Variants in H1-8 observed in about 807,000 individuals in gnomAD.
The protein encoded by H1-8 is histone H1.8.
A neutral mutation model predicts 19.5 loss-of-function variants in H1-8; 13 were observed. The observed-to-expected ratio is 0.67, with a 90% CI of 0.43 to 1.06. The LOEUF is 1.06. Among genes scored for constraint, H1-8 ranks in the 50% least tolerant of loss-of-function variants. The probability of loss-of-function intolerance (pLI) is 0.00; values close to 1 mark genes in which losing one functional copy is unlikely to be tolerated. For missense variants in H1-8, 432 were observed against 459.8 expected (o/e 0.94, Z 0.55); for synonymous variants, 193 against 187.6 (o/e 1.03, Z -0.24).
chr3:129,550,874 C>G, intron 4 of H1-8, 65 bp downstream of exon 4: 8 of 1,405,098 alleles, frequency 5.7e-6, no homozygotes, highest in Non-Finnish European at 7.0e-6. Context: ...CTTGGGCATC[C>G]CACACTCAGC....
chr3:129,547,208 A>G (rs1245231424), intron 1 of H1-8, among the ~76,000 whole-genome samples, 183 bp from the exon 2 acceptor site: 1 of 152,170 alleles, frequency 6.6e-6, no homozygotes, highest in Admixed American at 6.5e-5. Context: ...AGAAAAAAAG[A>G]GAGAGAGACT....
chr3:129,550,707 C>T, intron 3 of H1-8, 38 bp from the exon 4 acceptor site: 1 of 1,587,932 alleles, frequency 6.3e-7, no homozygotes, highest in Non-Finnish European at 8.6e-7. Context: ...AGCAGTTCCT[C>T]CTTCTTCCCC....
intron 3 of H1-8, 126 bp downstream of exon 3, chr3:129,549,490 T>A: frequency 8.7e-7 from 1 of 1,144,480 alleles, no homozygotes; most frequent in Non-Finnish European, 1.2e-6. Flanking sequence ...GTGCTGGGCT[T>A]GACCTGGAGA....
At chr3:129,546,686 G>A (rs993385988) in intron 1 of H1-8, among the ~76,000 whole-genome samples, 1 of 152,130 alleles carries the variant, frequency 6.6e-6, no homozygotes, top group Non-Finnish European at 1.5e-5. Context: ...ATGAGCATTT[G>A]GTTGAGAGGT....
chr3:129,550,660 T>G, intron 3 of H1-8, 85 bp from the exon 4 acceptor site: 1 of 1,091,898 alleles, frequency 9.2e-7, no homozygotes, highest in Non-Finnish European at 1.4e-6. Context: ...CCAGGAGGAA[T>G]GGGGGTTCTA....
rs549858872 is a variant in H1-8 at position 129,549,942 on chromosome 3, ACACT to A, written c.742+581_742+584del. Among the ~76,000 whole-genome samples, 226 of 152,148 alleles carry A rather than the reference ACACT, an allele frequency of 1.5e-3. 1 individual carries two copies. The highest frequency in any genetic ancestry group is 5.2e-3 in the African/African-American group (216 of 41,502). On this transcript the variant is annotated intron_variant, in intron 3 of 4. Coordinates refer to ENST00000324382, the MANE Select transcript of H1-8 (RefSeq NM_153833.3). Reference sequence around the variant, plus strand: ...GTACTCCAGCGTGGGTGACAGAGTGACACTCAGTCTCAAAACAAAACACAAAAAG... The same window carrying A: ...GTACTCCAGCGTGGGTGACAGAGTGACAGTCTCAAAACAAAACACAAAAAG...
At chr3:129,547,741 G>A in intron 2 of H1-8, 61 bp downstream of exon 2, 1 of 1,413,860 alleles carries the variant, frequency 7.1e-7, no homozygotes, top group Non-Finnish European at 9.3e-7. Flanking sequence ...GCCTCTGTGA[G>A]TGCTGCGGCC....
At chr3:129,545,889 T>C (rs143487125) in intron 1 of H1-8, among the ~76,000 whole-genome samples, 14 of 152,326 alleles carry the variant, frequency 9.2e-5, no homozygotes, top group African/African-American at 3.4e-4. Context: ...AGTGCTGCTA[T>C]GAACATTCAT....
chr3:129,548,219 T>A, intron 2 of H1-8: 1 of 526,790 alleles, frequency 1.9e-6, no homozygotes, highest in Non-Finnish European at 2.4e-6. Context: ...CTGGGTCCCC[T>A]GCATCTTGCC....
intron 4 of H1-8, 118 bp from the exon 5 acceptor site, chr3:129,550,989 C>A: frequency 9.8e-7 from 1 of 1,021,336 alleles, no homozygotes; most frequent in Non-Finnish European, 1.5e-6. Flanking sequence ...TTGCCATCCC[C>A]ATCTTACAGA....
At chr3:129,548,802 T>C (rs1015240488) in intron 2 of H1-8, among the ~76,000 whole-genome samples, 199 bp from the exon 3 acceptor site, 4 of 151,730 alleles carry the variant, frequency 2.6e-5, no homozygotes, top group Non-Finnish European at 5.9e-5. Flanking sequence ...CTAGGGCAGG[T>C]GGTTGAGAGA....
At chr3:129,549,875 A>C (rs2084921218) in intron 3 of H1-8, among the ~76,000 whole-genome samples, 1 of 151,650 alleles carries the variant, frequency 6.6e-6, no homozygotes, top group Non-Finnish European at 1.5e-5. Context: ...AATCACTTGA[A>C]CCCAGGAGGC....
In H1-8 at chr3:129,551,406, G is replaced by A. The variant is rs941513385; in HGVS notation, c.*66G>A. ...AGTTTTTATTCTTCAACTAACCACT[G>A]CTCTATTTATTTCATTGTAAGCTAT... On this transcript the variant is annotated 3_prime_UTR_variant, in exon 5 of 5. Transcript: ENST00000324382. The A allele has an allele frequency of 1.4e-4, 132 of 938,770 alleles. No individual in the cohort carries two copies. Among genetic ancestry groups the A allele is most frequent in the Non-Finnish European group, 1.9e-4 (117 of 614,680 alleles). 58.2% of individuals were successfully genotyped at this position (938,770 alleles called of 1,614,324 possible). A position where few individuals can be genotyped will look rare whatever the true frequency, so the allele number is the denominator to read the frequency against.
chr3:129,543,415 TACCCAGCACCC>T, intron 1 of H1-8, 109 bp downstream of exon 1: 1 of 735,292 alleles, frequency 1.4e-6, no homozygotes, highest in Non-Finnish European at 2.3e-6. Context: ...CCCCAGCACC[TACCCAGCACCC>T]ACCCAGCACT....
chr3:129,549,377 C>T lies in H1-8; in HGVS notation c.742+13C>T. The T allele has an allele frequency of 3.9e-6, 6 of 1,538,612 alleles. No homozygotes were observed. Among genetic ancestry groups the T allele is most frequent in the Non-Finnish European group, 5.2e-6 (6 of 1,144,868 alleles). On this transcript the variant is annotated intron_variant, in intron 3 of 4. Transcript: ENST00000324382. ...AGGAGCAGCCAAGGTAGTTGTGTGA[C>T]TTGTAGGGGGTGGTGTGGGGATGGG... is the stretch of plus-strand genomic sequence containing the variant.
chr3:129,548,465 T>G (rs1336151088), intron 2 of H1-8: 4 of 986,878 alleles, frequency 4.1e-6, no homozygotes, highest in Non-Finnish European at 3.6e-6. Context: ...TGCTGGCAGT[T>G]GAGGGGTGAA....
At chr3:129,550,150 A>G (rs2084923054) in intron 3 of H1-8, among the ~76,000 whole-genome samples, 1 of 152,146 alleles carries the variant, frequency 6.6e-6, no homozygotes, top group South Asian at 2.1e-4. Flanking sequence ...TCTCTCTTTT[A>G]GAGACAGGCT....
At chr3:129,546,977 G>C (rs2084893413) in intron 1 of H1-8, among the ~76,000 whole-genome samples, 1 of 152,102 alleles carries the variant, frequency 6.6e-6, no homozygotes, top group Non-Finnish European at 1.5e-5. Context: ...AGGCGGGTGG[G>C]TCATGAGGTC....
intron 1 of H1-8, among the ~76,000 whole-genome samples, chr3:129,544,232 G>T (rs1170722325): frequency 1.3e-5 from 2 of 152,182 alleles, no homozygotes; most frequent in Admixed American, 6.5e-5. Context: ...TGCTGGGGCA[G>T]TGCTAGGGGA....
Sources: gnomAD v4.1 joint callset for allele counts (sites outside exome capture counted in the v4.1 genomes callset) on GRCh38, gnomAD v4.1.1 for gene constraint, MANE v1.5 for transcripts, NCBI Gene and HGNC (gene_info 2026-07-23, HGNC 2026-07-21) for gene names.